The following ALG10 variants were observed in gnomAD, a reference collection of about 807,000 sequenced individuals.
The protein encoded by ALG10 is ALG10 alpha-1,2-glucosyltransferase, also known as dol-P-Glc:Glc(2)Man(9)GlcNAc(2)-PP-Dol alpha-1,2-glucosyltransferase A.
A neutral mutation model predicts 39.2 loss-of-function variants in ALG10; 25 were observed. The ratio of observed to expected loss-of-function variants is 0.64; its 90% CI spans 0.46 to 0.89. ALG10 has a LOEUF of 0.89. Ranked by LOEUF, ALG10 falls within the 40% of genes least tolerant of loss-of-function variation. The pLI is 0.00. For synonymous variants in ALG10, 184 were observed against 193.9 expected, an observed-to-expected ratio of 0.95 and a Z score of 0.42; for missense variants, 486 against 546.6, an observed-to-expected ratio of 0.89 and a Z score of 1.11.
intron 2 of ALG10, among the ~76,000 whole-genome samples, chr12:34,024,586 A>G (rs1328438241): frequency 6.6e-6 from 1 of 152,206 alleles, no homozygotes; most frequent in Non-Finnish European, 1.5e-5. Flanking sequence ...TCTCCCTGCC[A>G]CTTAACCAGT....
At chr12:34,024,649 A>G (rs1942812621) in intron 2 of ALG10, among the ~76,000 whole-genome samples, 1 of 152,206 alleles carries the variant, frequency 6.6e-6, no homozygotes, top group Non-Finnish European at 1.5e-5. Flanking sequence ...TCATGTATTA[A>G]ATAAGAATAA....
At chr12:34,022,461 A>T, upstream of ALG10, 1 of 1,384,694 alleles carries the variant, frequency 7.2e-7, no homozygotes, top group Non-Finnish European at 1.0e-6. Flanking sequence ...CTCTCCCAGC[A>T]TCCTTTGCCT....
chr12:34,024,407 A>G (rs1197566), intron 2 of ALG10, among the ~76,000 whole-genome samples: 6,529 of 146,948 alleles, frequency 0.044, 195 homozygotes, highest in African/African-American at 0.089. Flanking sequence ...AGTTCAATAA[A>G]TACTTACTGA....
Position 34,022,577 on chromosome 12 carries a change from G to C in ALG10, c.-23G>C. 2 of 1,613,972 alleles carry C rather than the reference G, an allele frequency of 1.2e-6. No homozygotes were observed. Among genetic ancestry groups the C allele is most frequent in the Non-Finnish European group, 1.7e-6 (2 of 1,179,948 alleles). ...CAGAATTTTCCAGGAGTAGGTTCTT[G>C]GGCAGTGGCTGTGGGAGCTGGAATG... On this transcript the variant is annotated 5_prime_UTR_variant, in exon 1 of 3. Coordinates refer to ENST00000266483, the MANE Select transcript of ALG10 (RefSeq NM_032834.4).
At chr12:34,024,872 A>G (rs1306326493) in intron 2 of ALG10, among the ~76,000 whole-genome samples, 1 of 152,150 alleles carries the variant, frequency 6.6e-6, no homozygotes, top group African/African-American at 2.4e-5. Context: ...GCAGGGGAAC[A>G]CTTACTGCTT....
At chr12:34,024,718 G>A (rs1942813111) in intron 2 of ALG10, among the ~76,000 whole-genome samples, 1 of 152,184 alleles carries the variant, frequency 6.6e-6, no homozygotes, top group South Asian at 2.1e-4. Context: ...ATAAATGGAA[G>A]ATGCTTCGAA....
rs559545280 is a variant in ALG10, at chr12:34,028,298, T to G, written c.*1383T>G. The G allele has an allele frequency of 6.6e-6, 1 of 152,330 alleles. No homozygotes were observed. Among genetic ancestry groups the G allele is most frequent in the East Asian group, 1.9e-4 (1 of 5,190 alleles). 9.4% of individuals were successfully genotyped at this position (152,330 alleles called of 1,614,324 possible). On this transcript the variant is annotated 3_prime_UTR_variant, in exon 3 of 3. Transcript: ENST00000266483. ...AAATAAAGCTAATCTATCCATCACC[T>G]CAAATATTTGACATATTTTGTGATG...
chr12:34,024,121 C>T lies in ALG10; in HGVS notation c.331C>T (p.Leu111=). Reference sequence around the variant, plus strand: ...CTTCAGTGTTGGCAACTTCTATTTACTATATTTGCTTTTCTGCAAGGTACA... The same window carrying T: ...CTTCAGTGTTGGCAACTTCTATTTATTATATTTGCTTTTCTGCAAGGTACA... ...LLFSVGNFYL[L]YLLFCKVQPR... The change falls in exon 2 of 3, where the codon CTA becomes TTA. Residue 111 remains leucine, a synonymous_variant. Coordinates refer to ENST00000266483, the MANE Select transcript of ALG10 (RefSeq NM_032834.4). The T allele has an allele frequency of 1.2e-6, 2 of 1,614,094 alleles. No individual in the cohort carries two copies. Among genetic ancestry groups the T allele is most frequent in the South Asian group, 2.2e-5 (2 of 91,080 alleles).
At chr12:34,025,783 A>G (rs1802505046) in intron 2 of ALG10, 80 bp from the exon 3 acceptor site, 3 of 1,542,576 alleles carry the variant, frequency 1.9e-6, no homozygotes, top group Non-Finnish European at 2.7e-6. Context: ...TAGTTTTTAA[A>G]TAAATTTCTT....
At chr12:34,022,865 A>G in intron 1 of ALG10, 95 bp downstream of exon 1, 2 of 1,551,640 alleles carry the variant, frequency 1.3e-6, no homozygotes, top group African/African-American at 1.4e-5. Flanking sequence ...GTCCTGTTCC[A>G]CCCCCTCAAG....
At chr12:34,024,642 T>A (rs548082708) in intron 2 of ALG10, among the ~76,000 whole-genome samples, 1 of 152,286 alleles carries the variant, frequency 6.6e-6, no homozygotes, top group South Asian at 2.1e-4. Flanking sequence ...CATGTCTTCA[T>A]GTATTAAATA....
Position 34,027,416 on chromosome 12 carries a change from G to C in ALG10, c.*501G>C, listed in dbSNP as rs1026280285. The C allele has an allele frequency of 8.5e-5, 13 of 152,648 alleles. No homozygotes were observed. Among genetic ancestry groups the C allele is most frequent in the African/African-American group, 2.9e-4 (12 of 41,542 alleles). The allele number at this position is 152,648 out of a possible 1,614,324, so 9.5% of individuals were successfully genotyped here. On this transcript the variant is annotated 3_prime_UTR_variant, in exon 3 of 3. Transcript: ENST00000266483. ...AGGTGATATTCTTGATTGAAAAGTT[G>C]CTTAACATTTCAGTAATATAATTTT...
chr12:34,023,758 C>T, intron 1 of ALG10: 1 of 613,790 alleles, frequency 1.6e-6, no homozygotes, highest in Admixed American at 2.8e-5. Flanking sequence ...TTGGTTGCTG[C>T]TACCTGAACC....
At position 34,026,628 on chromosome 12, in the gene ALG10, T is replaced by C. The variant is rs1942836174; in HGVS notation, c.1135T>C (p.Phe379Leu). Residue 379 changes from phenylalanine to leucine, a missense_variant, in exon 3 of 3, where the codon TTT becomes CTT. By Grantham distance (22) the Phe-to-Leu change is conservative (BLOSUM62 0). Coordinates refer to ENST00000266483, the MANE Select transcript of ALG10 (RefSeq NM_032834.4). ...ATATTTGTTAGTTCCAGCCTATATATTTGCTGGTTGGAGTATAGCTGACTC... is the reference window on the plus strand; with the variant it reads ...ATATTTGTTAGTTCCAGCCTATATACTTGCTGGTTGGAGTATAGCTGACTC... The part of the protein sequence containing the change: ...VKYLLVPAYI[F>L]AGWSIADSLK... 1 of 1,613,856 alleles carries C rather than the reference T, an allele frequency of 6.2e-7. No homozygotes were observed. The highest frequency in any genetic ancestry group is 1.3e-5 in the African/African-American group (1 of 74,934).
intron 1 of ALG10, 155 bp downstream of exon 1, chr12:34,022,925 G>A: frequency 1.0e-6 from 1 of 998,818 alleles, no homozygotes; most frequent in South Asian, 1.6e-5. Context: ...CTGTCTCTGA[G>A]ATCTGTGAAA....
rs1455127845 is a variant in ALG10, at chr12:34,022,825, C to T, written c.171+55C>T. Reference sequence around the variant, plus strand: ...GAGAGGCCTGAGAGGTCCCAGCGTCCCCACGTCCTCCCATCCTTAGACTTC... The same window carrying T: ...GAGAGGCCTGAGAGGTCCCAGCGTCTCCACGTCCTCCCATCCTTAGACTTC... On this transcript the variant is annotated intron_variant, in intron 1 of 2. Coordinates refer to ENST00000266483, the MANE Select transcript of ALG10 (RefSeq NM_032834.4). The T allele has an allele frequency of 6.2e-6, 10 of 1,610,134 alleles. No individual in the cohort carries two copies. The African/African-American group carries it at 8.0e-5, about 13-fold the overall frequency.
chr12:34,024,311 C>T (rs1942809234), intron 2 of ALG10, 152 bp downstream of exon 2: 1 of 914,012 alleles, frequency 1.1e-6, no homozygotes, highest in Non-Finnish European at 1.6e-6. Flanking sequence ...AATCCTCCAT[C>T]TCCATTTTAG....
chr12:34,026,813 A>G lies in ALG10; in HGVS notation c.1320A>G (p.Glu440=), dbSNP rs757158624. 5.6e-6 allele frequency: 9 copies of G among 1,613,984 alleles called. No individual in the cohort carries two copies. Among genetic ancestry groups the G allele is most frequent in the Non-Finnish European group, 6.8e-6 (8 of 1,179,876 alleles). Residue 440 remains glutamate (E), a synonymous_variant, in exon 3 of 3, where the codon GAA becomes GAG. Transcript: ENST00000266483. ...PLPPTSRLIC[E]LSCYAVVNFI... is the part of the protein sequence containing the mutation. ...CTCCCACATCCAGACTCATTTGTGA[A>G]CTGAGCTGCTATGCAGTTGTTAATT...
intron 1 of ALG10, chr12:34,023,055 T>G: frequency 2.3e-6 from 1 of 442,408 alleles, no homozygotes. Context: ...TCCCACTTTG[T>G]CTTTCCTTGT....
Sources: allele counts gnomAD v4.1 joint callset (sites outside exome capture counted in the v4.1 genomes callset), GRCh38; gene constraint gnomAD v4.1.1; transcripts MANE v1.5; gene names NCBI Gene and HGNC (gene_info 2026-07-23, HGNC 2026-07-21).